Variants in FSTL5 observed in about 807,000 individuals in gnomAD.
FSTL5 encodes the protein follistatin like 5.
In FSTL5, 62 loss-of-function variants were observed where a neutral mutation model predicts 89.1. That is an observed-to-expected ratio of 0.70 (90% CI 0.57 to 0.86). FSTL5 has a LOEUF of 0.86. Among genes scored for constraint, FSTL5 ranks in the 40% least tolerant of loss-of-function variants. FSTL5 has a pLI of 0.00. For synonymous variants in FSTL5, 383 were observed against 346.2 expected (o/e 1.11, Z -1.18); for missense variants, 1,057 against 1,001.6 (o/e 1.06, Z -0.75).
intron 7 of FSTL5, among the ~76,000 whole-genome samples, chr4:161,648,309 AC>A (rs1004117482): frequency 1.3e-5 from 2 of 151,964 alleles, no homozygotes; most frequent in African/African-American, 2.4e-5. Flanking sequence ...GTAAGCATTC[AC>A]CCCTAGACAC....
chr4:161,821,891 ATG>A (rs1730506782), intron 4 of FSTL5, among the ~76,000 whole-genome samples: 2 of 152,162 alleles, frequency 1.3e-5, no homozygotes, highest in Non-Finnish European at 2.9e-5. Context: ...TGCTATAAAC[ATG>A]TGAGTGCAAC....
chr4:161,726,678 A>G (rs1360484205), intron 6 of FSTL5, among the ~76,000 whole-genome samples: 1 of 152,160 alleles, frequency 6.6e-6, no homozygotes, highest in Non-Finnish European at 1.5e-5. Flanking sequence ...TTTTGTTACA[A>G]AGACTAAAAC....
chr4:162,116,235 G>C (rs751369941), intron 1 of FSTL5, among the ~76,000 whole-genome samples: 1 of 152,194 alleles, frequency 6.6e-6, no homozygotes, highest in South Asian at 2.1e-4. Context: ...CAAAGGGTGA[G>C]GCTGCAGCTA....
intron 3 of FSTL5, among the ~76,000 whole-genome samples, chr4:161,985,915 T>C (rs1475440176): frequency 1.3e-5 from 2 of 152,152 alleles, no homozygotes; most frequent in African/African-American, 4.8e-5. Context: ...TGGAGTCCTC[T>C]ATGGAACTAC....
intron 3 of FSTL5, among the ~76,000 whole-genome samples, chr4:162,030,133 T>C (rs1471380918): frequency 2.0e-5 from 3 of 152,032 alleles, no homozygotes; most frequent in Non-Finnish European, 4.4e-5. Context: ...GCTGGTCTTC[T>C]GGTCTTGAAC....
chr4:161,833,317 G>C (rs1355786206), intron 4 of FSTL5, among the ~76,000 whole-genome samples: 1 of 151,790 alleles, frequency 6.6e-6, no homozygotes, highest in Non-Finnish European at 1.5e-5. Flanking sequence ...GGTCAATTTT[G>C]GAATAGGTGT....
At chr4:161,856,662 G>GTATATATA (rs10647528) in intron 4 of FSTL5, among the ~76,000 whole-genome samples, 4 of 147,820 alleles carry the variant, frequency 2.7e-5, no homozygotes, top group Admixed American at 6.8e-5. Flanking sequence ...GTGTGTGTGT[G>GTATATATA]TATATATATA....
chr4:161,505,149 T>C (rs979136241), intron 11 of FSTL5, among the ~76,000 whole-genome samples: 3 of 152,156 alleles, frequency 2.0e-5, no homozygotes, highest in African/African-American at 7.2e-5. Context: ...TTTTGAAATA[T>C]GGAAGAAATC....
chr4:161,673,667 G>A (rs186342522), intron 6 of FSTL5, among the ~76,000 whole-genome samples: 2 of 151,948 alleles, frequency 1.3e-5, no homozygotes, highest in Admixed American at 6.6e-5. Context: ...ACAAAGTATA[G>A]TTCTAGTGTC....
At chr4:161,959,591 T>C (rs1229177864) in intron 3 of FSTL5, among the ~76,000 whole-genome samples, 1 of 152,094 alleles carries the variant, frequency 6.6e-6, no homozygotes, top group Non-Finnish European at 1.5e-5. Flanking sequence ...TAAATTAATA[T>C]ATTTTAATAA....
intron 4 of FSTL5, among the ~76,000 whole-genome samples, chr4:161,897,317 T>G (rs1305130073): frequency 6.6e-6 from 1 of 151,814 alleles, no homozygotes; most frequent in Admixed American, 6.6e-5. Flanking sequence ...AATTCATCAC[T>G]ATTTTTATAC....
rs747502420 is a variant in FSTL5, at chr4:161,575,461, CT to C, written c.1015+11993del. Reference sequence around the variant, plus strand: ...GTATTGTCCAGGTTTTCTTTTTTTTCTTTTTTTTTGTGAGACAGAGTCTCAC... The same window carrying C: ...GTATTGTCCAGGTTTTCTTTTTTTTCTTTTTTTTGTGAGACAGAGTCTCAC... On this transcript the variant is annotated intron_variant, in intron 8 of 15. Transcript: ENST00000306100. Among the ~76,000 whole-genome samples the C allele has an allele frequency of 1.1e-4, 17 of 150,220 alleles. No individual in the cohort carries two copies. The South Asian group carries it at 1.5e-3, about 13-fold the overall frequency.
At position 161,929,543 on chromosome 4, in the gene FSTL5, T is replaced by G. The variant is rs183550719; in HGVS notation, c.161-8891A>C. ...TTGTGTGATATTTATTTTTATGAAT[T>G]TTTTTGTGGAATGTACATAACTGGA... On this transcript the variant is annotated intron_variant, in intron 3 of 15. Transcript: ENST00000306100. Among the ~76,000 whole-genome samples the G allele has an allele frequency of 2.3e-3, 344 of 148,426 alleles. 2 individuals are homozygous for G. The highest frequency in any genetic ancestry group is 8.0e-3 in the African/African-American group (330 of 41,060).
chr4:161,962,616 A>T (rs573367076), intron 3 of FSTL5, among the ~76,000 whole-genome samples: 91 of 151,850 alleles, frequency 6.0e-4, no homozygotes, highest in African/African-American at 2.0e-3. Flanking sequence ...GCATTGTATG[A>T]TAGCATCTTC....
chr4:162,111,123 T>C, intron 2 of FSTL5, 148 bp downstream of exon 2: 1 of 584,344 alleles, frequency 1.7e-6, no homozygotes, highest in Non-Finnish European at 2.8e-6. Flanking sequence ...CTATTTCATG[T>C]ATTAAAATGT....
At chr4:161,474,718 C>T (rs954825612) in intron 13 of FSTL5, among the ~76,000 whole-genome samples, 13 of 151,472 alleles carry the variant, frequency 8.6e-5, no homozygotes, top group Non-Finnish European at 1.5e-4. Flanking sequence ...GCTAATTTTT[C>T]GTATTTTTGG....
intron 4 of FSTL5, among the ~76,000 whole-genome samples, chr4:161,818,550 G>C (rs1307614779): frequency 6.6e-6 from 1 of 152,114 alleles, no homozygotes; most frequent in African/African-American, 2.4e-5. Flanking sequence ...CATCACCATC[G>C]GGTGGGAGCC....
intron 8 of FSTL5, among the ~76,000 whole-genome samples, chr4:161,575,708 T>A (rs1156450286): frequency 1.3e-5 from 2 of 152,166 alleles, no homozygotes; most frequent in Non-Finnish European, 2.9e-5. Context: ...CACCTTGGTC[T>A]CCTGAAGTGC....
At chr4:161,920,335 T>C (rs1348766468) in intron 4 of FSTL5, 69 bp downstream of exon 4, 16 of 1,498,072 alleles carry the variant, frequency 1.1e-5, no homozygotes, top group Non-Finnish European at 1.2e-5. Flanking sequence ...ATTGCTAGAG[T>C]TTAAAGGCAC....
Sources: allele counts gnomAD v4.1 joint callset (sites outside exome capture counted in the v4.1 genomes callset), GRCh38; gene constraint gnomAD v4.1.1; transcripts MANE v1.5; gene names NCBI Gene and HGNC (gene_info 2026-07-23, HGNC 2026-07-21).